The following TM4SF19 variants were observed in gnomAD, a reference collection of about 807,000 sequenced individuals.
TM4SF19 encodes the protein transmembrane 4 L6 family member 19.
In TM4SF19, 17 loss-of-function variants were observed where a neutral mutation model predicts 21.8. The ratio of observed to expected loss-of-function variants is 0.78; its 90% CI spans 0.53 to 1.17. The LOEUF is 1.17. Among genes scored for constraint, TM4SF19 ranks in the 50% most tolerant of loss-of-function variants. The pLI, the probability that TM4SF19 is intolerant of heterozygous loss-of-function variation, is 0.00. For missense variants in TM4SF19, 216 were observed against 252.1 expected (o/e 0.86, Z 0.97); for synonymous variants, 107 against 106.7 (o/e 1.00, Z -0.02).
intron 1 of TM4SF19, among the ~76,000 whole-genome samples, chr3:196,332,477 A>G (rs993716980): frequency 6.7e-6 from 1 of 148,644 alleles, no homozygotes; most frequent in Admixed American, 6.8e-5. Context: ...GGAAGGAAAG[A>G]GGAAGGGGAA....
At position 196,324,270 on chromosome 3, in the gene TM4SF19, C is replaced by G. The variant is rs747202604; in HGVS notation, c.449+1G>C. The G allele has an allele frequency of 6.2e-7, 1 of 1,613,954 alleles. No homozygotes were observed. The highest frequency in any genetic ancestry group is 1.1e-5 in the South Asian group (1 of 91,076). ...CCAAGCCCAAGCCTCCACCCATTTACCTACTATGCAGGTCTTTGAATGGGT... is the reference window on the plus strand; with the variant it reads ...CCAAGCCCAAGCCTCCACCCATTTAGCTACTATGCAGGTCTTTGAATGGGT... On this transcript the variant is annotated splice_donor_variant, in intron 4 of 4. Transcript: ENST00000273695. LOFTEE classifies it high-confidence loss of function.
At position 196,327,567 on chromosome 3, in the gene TM4SF19, C is replaced by T. The variant is rs776636091; in HGVS notation, c.24G>A (p.Gln8=). 93 of 1,613,516 alleles carry T rather than the reference C, an allele frequency of 5.8e-5. No homozygotes were observed. In the Middle Eastern group the frequency reaches 3.0e-3, roughly 52 times the overall value. Residue 8 remains glutamine, a synonymous_variant, in exon 2 of 5, where the codon CAG becomes CAA. Transcript: ENST00000273695. ...TACGGGAGCAAGTCCGTGAGCTTGC[C>T]TGCGTGCAGGGAGAGGACACCATCC... The part of the protein sequence containing the change: MVSSPCT[Q]ASSRTCSRIL...
intron 2 of TM4SF19, 54 bp downstream of exon 2, chr3:196,327,336 C>T: frequency 2.6e-6 from 4 of 1,553,464 alleles, no homozygotes; most frequent in Non-Finnish European, 3.5e-6. Context: ...CACCTTCCTG[C>T]TCCCCGCCGG....
intron 1 of TM4SF19, among the ~76,000 whole-genome samples, chr3:196,336,164 G>A (rs1727752724): frequency 6.6e-6 from 1 of 151,626 alleles, no homozygotes; most frequent in Admixed American, 6.6e-5. Flanking sequence ...TTGAGACAGA[G>A]TTTCACTCTT....
chr3:196,334,781 AG>A (rs1225373323), intron 1 of TM4SF19, among the ~76,000 whole-genome samples: 1 of 147,688 alleles, frequency 6.8e-6, no homozygotes, highest in African/African-American at 2.5e-5. Context: ...AAAGAAGACA[AG>A]GGGAGGGGTG....
intron 1 of TM4SF19, among the ~76,000 whole-genome samples, chr3:196,333,139 C>A (rs764675980): frequency 1.3e-4 from 20 of 152,204 alleles, no homozygotes; most frequent in Non-Finnish European, 2.5e-4. Flanking sequence ...TAAGCCACCA[C>A]GCCCAGTCCC....
Position 196,327,040 on chromosome 3 carries a change from A to G in TM4SF19, c.202-8T>C. The G allele has an allele frequency of 6.3e-7, 1 of 1,599,058 alleles. No homozygotes were observed. The highest frequency in any genetic ancestry group is 1.1e-5 in the South Asian group (1 of 90,778). Reference sequence around the variant, plus strand: ...GATAGCTGCAGTGAGTACCTGCAGGAGAGAGAAGAATGTTGAGATGGGGAA... The same window carrying G: ...GATAGCTGCAGTGAGTACCTGCAGGGGAGAGAAGAATGTTGAGATGGGGAA... On this transcript the variant is annotated splice_polypyrimidine_tract_variant and splice_region_variant and intron_variant, in intron 2 of 4. Transcript: ENST00000273695.
chr3:196,338,298 C>G lies in TM4SF19; in HGVS notation c.-36G>C, dbSNP rs1032729818. On this transcript the variant is annotated 5_prime_UTR_variant, in exon 1 of 5. Transcript: ENST00000273695. Reference sequence around the variant, plus strand: ...GTGTCAAGAATCAGAATGGGAGAGACAGAACCTGGAGAAAGGCTGCGTCTT... The same window carrying G: ...GTGTCAAGAATCAGAATGGGAGAGAGAGAACCTGGAGAAAGGCTGCGTCTT... 1 of 152,268 alleles carries G rather than the reference C, an allele frequency of 6.6e-6. No homozygotes were observed. Among genetic ancestry groups the G allele is most frequent in the Non-Finnish European group, 1.5e-5 (1 of 68,092 alleles). The allele number at this position is 152,268 out of a possible 1,614,324, so 9.4% of individuals were successfully genotyped here.
chr3:196,334,604 C>G (rs1727649401), intron 1 of TM4SF19, among the ~76,000 whole-genome samples: 1 of 152,054 alleles, frequency 6.6e-6, no homozygotes, highest in Non-Finnish European at 1.5e-5. Flanking sequence ...CAGCTGCACA[C>G]CACCATGCCC....
chr3:196,333,726 T>G (rs913427047), intron 1 of TM4SF19, among the ~76,000 whole-genome samples: 26 of 152,218 alleles, frequency 1.7e-4, no homozygotes, highest in African/African-American at 6.0e-4. Flanking sequence ...CCTGTATATG[T>G]ATCCCCGGAT....
chr3:196,324,095 A>C (rs753021799), intron 4 of TM4SF19, 98 bp from the exon 5 acceptor site: 1 of 1,499,344 alleles, frequency 6.7e-7, no homozygotes, highest in South Asian at 1.2e-5. Context: ...TGACCGGGTC[A>C]TGGGACTGGG....
chr3:196,334,812 GGA>G (rs1459111737), intron 1 of TM4SF19, among the ~76,000 whole-genome samples: 1 of 136,738 alleles, frequency 7.3e-6, no homozygotes, highest in East Asian at 2.1e-4. Context: ...GGTGGGGGTA[GGA>G]GAGAGGAAGG....
At chr3:196,333,507 G>A (rs1003616934) in intron 1 of TM4SF19, among the ~76,000 whole-genome samples, 3 of 152,180 alleles carry the variant, frequency 2.0e-5, no homozygotes, top group Non-Finnish European at 4.4e-5. Flanking sequence ...GTTGACCACA[G>A]ATAGCTAAAA....
At chr3:196,337,648 C>T (rs575952258) in intron 1 of TM4SF19, among the ~76,000 whole-genome samples, 1 of 152,310 alleles carries the variant, frequency 6.6e-6, no homozygotes, top group East Asian at 1.9e-4. Flanking sequence ...AAACACACTG[C>T]GCATGCGGCC....
intron 1 of TM4SF19, among the ~76,000 whole-genome samples, chr3:196,327,955 A>C (rs1312264641): frequency 1.3e-5 from 2 of 152,214 alleles, no homozygotes. Context: ...GGTCCTGGCC[A>C]GTGCAATACG....
intron 1 of TM4SF19, among the ~76,000 whole-genome samples, chr3:196,336,090 A>T (rs539856825): frequency 2.6e-5 from 4 of 152,112 alleles, no homozygotes; most frequent in Admixed American, 1.3e-4. Context: ...TTCTACAGAA[A>T]ACGTTCCCAT....
chr3:196,333,171 T>C (rs2108811415), intron 1 of TM4SF19, among the ~76,000 whole-genome samples: 1 of 152,326 alleles, frequency 6.6e-6, no homozygotes, highest in East Asian at 1.9e-4. Flanking sequence ...GACTTTGTGA[T>C]GGTGCAAAAG....
At chr3:196,332,568 A>G (rs575864429) in intron 1 of TM4SF19, among the ~76,000 whole-genome samples, 1 of 151,966 alleles carries the variant, frequency 6.6e-6, no homozygotes, top group South Asian at 2.1e-4. Flanking sequence ...ACACATATAT[A>G]TCATATACAT....
chr3:196,325,245 C>T lies in TM4SF19; in HGVS notation c.280-805G>A. ...TGAGACAGAGTCTCACTCTGTCGCC[C>T]AGGCTGGAGTGCAGTGGCACGATCT... On this transcript the variant is annotated intron_variant, in intron 3 of 4. Transcript: ENST00000273695. The surrounding 1 kb of genome is among the most constrained non-coding windows in gnomAD (Gnocchi z 4.3). 1 of 152,192 alleles carries T rather than the reference C, an allele frequency of 6.6e-6. No individual in the cohort carries two copies. The highest frequency in any genetic ancestry group is 1.9e-4 in the East Asian group (1 of 5,188). The allele number at this position is 152,192 out of a possible 1,614,324, so 9.4% of individuals were successfully genotyped here.
Sources: allele counts gnomAD v4.1 joint callset (sites outside exome capture counted in the v4.1 genomes callset), GRCh38; gene constraint gnomAD v4.1.1; non-coding constraint Gnocchi (gnomAD v3.1); transcripts MANE v1.5; gene names NCBI Gene and HGNC (gene_info 2026-07-23, HGNC 2026-07-21).